Variants in KCNC2 observed in about 807,000 individuals in gnomAD.
KCNC2 encodes the protein voltage-gated potassium channel KCNC2.
A neutral mutation model predicts 44.5 loss-of-function variants in KCNC2; 21 were observed. That is an observed-to-expected ratio of 0.47 (90% CI 0.33 to 0.68). The LOEUF is 0.68. Ranked by LOEUF, KCNC2 falls within the 30% of genes least tolerant of loss-of-function variation. The probability of loss-of-function intolerance (pLI) is 0.01; values close to 1 mark genes in which losing one functional copy is unlikely to be tolerated. For synonymous variants in KCNC2, 391 were observed against 339.1 expected, an observed-to-expected ratio of 1.15 and a Z score of -1.68; for missense variants, 589 against 826.2, an observed-to-expected ratio of 0.71 and a Z score of 3.52.
chr12:75,206,183 C>A (rs1490525161), intron 2 of KCNC2, among the ~76,000 whole-genome samples: 1 of 152,064 alleles, frequency 6.6e-6, no homozygotes, highest in South Asian at 2.1e-4. Flanking sequence ...GAAGATAGAG[C>A]CAAAGTAAAG....
intron 2 of KCNC2, among the ~76,000 whole-genome samples, chr12:75,187,782 A>G (rs1012205823): frequency 1.3e-5 from 2 of 152,214 alleles, no homozygotes; most frequent in African/African-American, 4.8e-5. Flanking sequence ...TGAGAACCCA[A>G]ATTGCCAGAA....
intron 3 of KCNC2, 43 bp downstream of exon 3, chr12:75,050,347 T>C: frequency 7.4e-7 from 1 of 1,352,010 alleles, no homozygotes; most frequent in Non-Finnish European, 1.0e-6. Flanking sequence ...AACATACTGG[T>C]CTATAAAGTA....
At chr12:75,048,068 T>G in intron 4 of KCNC2, 85 bp downstream of exon 4, 1 of 1,221,312 alleles carries the variant, frequency 8.2e-7, no homozygotes. Context: ...TAGAAAATGA[T>G]GAATGAGCAT....
intron 2 of KCNC2, among the ~76,000 whole-genome samples, chr12:75,106,416 C>T (rs1458618): frequency 0.063 from 9,634 of 152,028 alleles, 356 homozygotes; most frequent in Middle Eastern, 0.085. Context: ...AGAGTTATTC[C>T]GGTGGTAAGC....
intron 2 of KCNC2, among the ~76,000 whole-genome samples, chr12:75,161,876 A>G (rs909436423): frequency 1.3e-5 from 2 of 151,938 alleles, no homozygotes; most frequent in African/African-American, 4.8e-5. Context: ...AATAATATAT[A>G]GGCAGAAATA....
chr12:75,197,705 C>T (rs1314730293), intron 2 of KCNC2, among the ~76,000 whole-genome samples: 1 of 151,714 alleles, frequency 6.6e-6, no homozygotes, highest in Admixed American at 6.6e-5. Flanking sequence ...TTTTTCTTTC[C>T]CAGTTTGTTT....
chr12:75,187,913 AT>A (rs1271672518), intron 2 of KCNC2, among the ~76,000 whole-genome samples: 1 of 152,226 alleles, frequency 6.6e-6, no homozygotes, highest in Admixed American at 6.5e-5. Flanking sequence ...TTATTTAGTA[AT>A]AATTAAAAGC....
chr12:75,197,856 T>A (rs934182463), intron 2 of KCNC2, among the ~76,000 whole-genome samples: 1 of 151,856 alleles, frequency 6.6e-6, no homozygotes, highest in Non-Finnish European at 1.5e-5. Flanking sequence ...CTCTGACAAC[T>A]GCACTTACAT....
chr12:75,184,667 T>A (rs1458270932), intron 2 of KCNC2, among the ~76,000 whole-genome samples: 1 of 152,174 alleles, frequency 6.6e-6, no homozygotes, highest in Non-Finnish European at 1.5e-5. Flanking sequence ...GCCACACATT[T>A]ATTTCTTTTC....
chr12:75,114,955 C>G (rs1052410948), intron 2 of KCNC2, among the ~76,000 whole-genome samples: 2 of 149,368 alleles, frequency 1.3e-5, no homozygotes, highest in African/African-American at 4.9e-5. Flanking sequence ...GCTCCGCCCC[C>G]CGGGGTTCAC....
At position 75,202,010 on chromosome 12, in the gene KCNC2, T is replaced by C. The variant is rs141847793; in HGVS notation, c.687+5287A>G. Among the ~76,000 whole-genome samples, 568 of 152,040 alleles carry C rather than the reference T, an allele frequency of 3.7e-3. 1 individual carries two copies. The highest frequency in any genetic ancestry group is 0.013 in the African/African-American group (534 of 41,542). ...AAGAATACAATACTTGAAAATGACA[T>C]TTACTTTATTTGTCATAGTAAAAAT... On this transcript the variant is annotated intron_variant, in intron 2 of 4. Transcript: ENST00000549446.
intron 2 of KCNC2, among the ~76,000 whole-genome samples, chr12:75,057,121 A>G (rs1299538707): frequency 1.3e-5 from 2 of 152,006 alleles, no homozygotes; most frequent in Non-Finnish European, 2.9e-5. Context: ...TAACCAAGAG[A>G]AGGTTAAGCC....
chr12:75,116,348 T>C (rs1005574532), intron 2 of KCNC2, among the ~76,000 whole-genome samples: 1 of 152,112 alleles, frequency 6.6e-6, no homozygotes, highest in Non-Finnish European at 1.5e-5. Flanking sequence ...CTTAGTGATA[T>C]TGTTGGAATT....
chr12:75,201,026 T>C (rs1216570370), intron 2 of KCNC2, among the ~76,000 whole-genome samples: 2 of 151,352 alleles, frequency 1.3e-5, no homozygotes, highest in African/African-American at 4.8e-5. Flanking sequence ...TTGCAGGTGG[T>C]TGGATATACA....
intron 2 of KCNC2, among the ~76,000 whole-genome samples, chr12:75,161,237 G>A (rs1891104550): frequency 6.6e-6 from 1 of 151,600 alleles, no homozygotes; most frequent in African/African-American, 2.4e-5. Flanking sequence ...ATTTTCAGAA[G>A]TAAACTAAAG....
At chr12:75,132,883 C>CATTT (rs2137352632) in intron 2 of KCNC2, among the ~76,000 whole-genome samples, 1 of 152,170 alleles carries the variant, frequency 6.6e-6, no homozygotes, top group East Asian at 1.9e-4. Context: ...AGGTTCCCTA[C>CATTT]ATTTCACTGG....
At chr12:75,075,698 T>C (rs1167880587) in intron 2 of KCNC2, among the ~76,000 whole-genome samples, 1 of 151,882 alleles carries the variant, frequency 6.6e-6, no homozygotes, top group African/African-American at 2.4e-5. Context: ...TAATAGTTTA[T>C]AAATAAATGC....
chr12:75,152,172 A>G (rs1416386323), intron 2 of KCNC2, among the ~76,000 whole-genome samples: 1 of 150,850 alleles, frequency 6.6e-6, no homozygotes, highest in East Asian at 2.0e-4. Flanking sequence ...TGACATTTCC[A>G]GGAGAAGATC....
At chr12:75,182,545 A>AC (rs1164159995) in intron 2 of KCNC2, among the ~76,000 whole-genome samples, 1 of 144,962 alleles carries the variant, frequency 6.9e-6, no homozygotes, top group African/African-American at 2.5e-5. Flanking sequence ...AAACAAAAAA[A>AC]ACAAAAAAAA....
Sources: gnomAD v4.1 joint callset for allele counts (sites outside exome capture counted in the v4.1 genomes callset) on GRCh38, gnomAD v4.1.1 for gene constraint, MANE v1.5 for transcripts, NCBI Gene and HGNC (gene_info 2026-07-23, HGNC 2026-07-21) for gene names.